DLGAP5: variants seen among roughly 807,000 people sequenced by gnomAD.
DLGAP5 encodes the protein DLG associated protein 5.
DLGAP5 carries 90 observed loss-of-function variants against 99.6 expected under a neutral mutation model. The observed-to-expected ratio is 0.90, with a 90% CI of 0.76 to 1.08. The LOEUF (loss-of-function observed/expected upper bound fraction) is 1.08, where lower values mean the gene tolerates loss of function less well. DLGAP5 is among the 50% of genes least tolerant of loss of function. DLGAP5 has a pLI of 0.00. For missense variants in DLGAP5, 1,036 were observed against 983.5 expected, an observed-to-expected ratio of 1.05 and a Z score of -0.71; for synonymous variants, 311 against 321.3, an observed-to-expected ratio of 0.97 and a Z score of 0.34.
intron 12 of DLGAP5, among the ~76,000 whole-genome samples, chr14:55,169,057 T>A (rs1379486429): frequency 2.0e-5 from 3 of 150,862 alleles, no homozygotes; most frequent in Non-Finnish European, 4.4e-5. Flanking sequence ...GCGCCTGTAG[T>A]CCCAGCTACT....
chr14:55,158,278 TAG>T lies in DLGAP5; in HGVS notation c.1873+242_1873+243del, dbSNP rs936304845. Among the ~76,000 whole-genome samples the T allele has an allele frequency of 1.3e-5, 2 of 152,234 alleles. 1 individual carries two copies. The highest frequency in any genetic ancestry group is 4.8e-5 in the African/African-American group (2 of 41,466). ...ATTACATTACAGATGTGAAATCACT[TAG>T]AAAGTAGAAAAGCAATCTTAGAAGA... On this transcript the variant is annotated intron_variant, in intron 14 of 18. Coordinates refer to ENST00000247191, the MANE Select transcript of DLGAP5 (RefSeq NM_014750.5).
intron 1 of DLGAP5, among the ~76,000 whole-genome samples, chr14:55,190,259 G>A (rs1883564599): frequency 6.8e-6 from 1 of 146,406 alleles, no homozygotes; most frequent in Non-Finnish European, 1.5e-5. Flanking sequence ...ACACGACCCC[G>A]TCTCTATAAA....
intron 7 of DLGAP5, among the ~76,000 whole-genome samples, chr14:55,178,115 G>C (rs958008977): frequency 5.3e-5 from 8 of 151,760 alleles, no homozygotes; most frequent in African/African-American, 1.9e-4. Context: ...ATTGGGGCGT[G>C]GTGGCAGGCG....
intron 17 of DLGAP5, among the ~76,000 whole-genome samples, chr14:55,151,107 G>A (rs1882001236): frequency 6.6e-6 from 1 of 152,152 alleles, no homozygotes; most frequent in South Asian, 2.1e-4. Flanking sequence ...AACAGCTGGA[G>A]GACATTAAAT....
intron 2 of DLGAP5, among the ~76,000 whole-genome samples, chr14:55,184,436 T>C (rs1883369336): frequency 6.6e-6 from 1 of 152,250 alleles, no homozygotes; most frequent in Non-Finnish European, 1.5e-5. Context: ...TAGGCATTTA[T>C]TACTTCACTT....
intron 10 of DLGAP5, among the ~76,000 whole-genome samples, chr14:55,173,428 CAAAAG>C (rs1189764674): frequency 1.3e-5 from 2 of 151,948 alleles, no homozygotes; most frequent in East Asian, 3.9e-4. Flanking sequence ...CATTTCAAAA[CAAAAG>C]AAAAGAAAGA....
intron 2 of DLGAP5, among the ~76,000 whole-genome samples, chr14:55,188,691 T>C (rs548330985): frequency 8.7e-5 from 13 of 149,850 alleles, no homozygotes; most frequent in African/African-American, 2.5e-4. Flanking sequence ...GGCAAGATAA[T>C]TCCTTGAGCC....
Position 55,188,969 on chromosome 14 carries a change from C to G in DLGAP5, c.211G>C (p.Val71Leu). Reference sequence around the variant, plus strand: ...GGCTTAACATTGGTCTTTTCTGGAACAAGCCCTTGAGATGTCTCATCTAAT... The same window carrying G: ...GGCTTAACATTGGTCTTTTCTGGAAGAAGCCCTTGAGATGTCTCATCTAAT... ...VELDETSQGL[V>L]PEKTNVKPRA... Residue 71 changes from valine (V) to leucine (L), a missense_variant, in exon 2 of 19, where the codon GTT (valine) becomes CTT (leucine). Coordinates refer to ENST00000247191, the MANE Select transcript of DLGAP5 (RefSeq NM_014750.5). The G allele has an allele frequency of 1.2e-6, 2 of 1,613,450 alleles. No homozygotes were observed. The highest frequency in any genetic ancestry group is 8.5e-7 in the Non-Finnish European group (1 of 1,179,862).
At chr14:55,159,298 C>T (rs1882329708) in intron 13 of DLGAP5, among the ~76,000 whole-genome samples, 1 of 152,126 alleles carries the variant, frequency 6.6e-6, no homozygotes, top group Non-Finnish European at 1.5e-5. Flanking sequence ...TAATAAAAAT[C>T]ACCTGCATGT....
At chr14:55,180,483 C>T (rs1883232516) in intron 6 of DLGAP5, among the ~76,000 whole-genome samples, 173 bp downstream of exon 6, 1 of 152,196 alleles carries the variant, frequency 6.6e-6, no homozygotes. Flanking sequence ...AATGATTGGG[C>T]ACCCATTGTG....
intron 15 of DLGAP5, 101 bp from the exon 16 acceptor site, chr14:55,152,748 T>A: frequency 1.0e-6 from 1 of 990,990 alleles, no homozygotes; most frequent in Non-Finnish European, 1.4e-6. Flanking sequence ...GTTTAGGGAA[T>A]GGATCAAACA....
chr14:55,164,087 G>A (rs1341507194), intron 12 of DLGAP5, among the ~76,000 whole-genome samples: 1 of 152,018 alleles, frequency 6.6e-6, no homozygotes, highest in Non-Finnish European at 1.5e-5. Flanking sequence ...GAAGAGTTAC[G>A]CCACTGACAA....
chr14:55,155,307 G>C (rs947152968), intron 14 of DLGAP5, among the ~76,000 whole-genome samples: 5 of 150,582 alleles, frequency 3.3e-5, no homozygotes, highest in Non-Finnish European at 7.4e-5. Flanking sequence ...TTAGAGGTGT[G>C]AGCCACTGCG....
At chr14:55,187,152 C>T (rs559186285) in intron 2 of DLGAP5, among the ~76,000 whole-genome samples, 10 of 151,908 alleles carry the variant, frequency 6.6e-5, no homozygotes, top group Non-Finnish European at 1.5e-4. Flanking sequence ...GATCCACTCA[C>T]CTTAGCCTGG....
In DLGAP5 at chr14:55,175,954, T is replaced by C. The variant is rs1383733700; in HGVS notation, c.1114A>G (p.Ile372Val). ...GGCAATTTATTTGAATCTTGCTGTA[T>C]TGTCTTGGTAGAGTAAGTTTTACAT... ...QKCKTYSTKTIQQDSNKLPCP... is the reference protein window; with the variant it reads ...QKCKTYSTKTVQQDSNKLPCP... Residue 372 changes from isoleucine (I) to valine (V), a missense_variant, in exon 9 of 19, where the codon ATA (isoleucine) becomes GTA (valine). Transcript: ENST00000247191. The C allele has an allele frequency of 9.9e-6, 16 of 1,610,244 alleles. No homozygotes were observed. The highest frequency in any genetic ancestry group is 2.2e-5 in the South Asian group (2 of 90,430).
At chr14:55,159,082 TA>T (rs67774456) in intron 13 of DLGAP5, among the ~76,000 whole-genome samples, 3,879 of 103,026 alleles carry the variant, frequency 0.038, 170 homozygotes, top group African/African-American at 0.12. Context: ...AAAAAGTAAA[TA>T]AAAAAAAAGT....
intron 13 of DLGAP5, among the ~76,000 whole-genome samples, chr14:55,159,667 T>C (rs1023188998): frequency 5.9e-5 from 9 of 152,218 alleles, no homozygotes; most frequent in Non-Finnish European, 1.5e-5. Flanking sequence ...CAGTTTGGGA[T>C]ATATTGATTT....
intron 12 of DLGAP5, among the ~76,000 whole-genome samples, chr14:55,163,848 T>C (rs1882534625): frequency 6.6e-6 from 1 of 152,232 alleles, no homozygotes; most frequent in African/African-American, 2.4e-5. Flanking sequence ...ACTGTTCAGG[T>C]CTTTTGCCCA....
At chr14:55,157,013 A>G (rs1594664758) in intron 14 of DLGAP5, among the ~76,000 whole-genome samples, 1 of 152,236 alleles carries the variant, frequency 6.6e-6, no homozygotes, top group African/African-American at 2.4e-5. Context: ...AAACCTTGTC[A>G]AGAGAGATGG....
Sources: allele counts gnomAD v4.1 joint callset (sites outside exome capture counted in the v4.1 genomes callset), GRCh38; gene constraint gnomAD v4.1.1; transcripts MANE v1.5; gene names NCBI Gene and HGNC (gene_info 2026-07-23, HGNC 2026-07-21).